The following LUZP2 variants were observed in gnomAD, a reference collection of about 807,000 sequenced individuals.
The protein encoded by LUZP2 is leucine zipper protein 2.
A neutral mutation model predicts 51.6 loss-of-function variants in LUZP2; 52 were observed. The observed-to-expected ratio is 1.01, with a 90% CI of 0.81 to 1.27. The LOEUF is 1.27. Ranked by LOEUF, LUZP2 falls within the 50% of genes most tolerant of loss-of-function variation. LUZP2 has a pLI of 0.00. For synonymous variants in LUZP2, 154 were observed against 137.3 expected (o/e 1.12, Z -0.85); for missense variants, 436 against 395.4 (o/e 1.10, Z -0.87).
intron 1 of LUZP2, among the ~76,000 whole-genome samples, chr11:24,584,991 A>C (rs1284755549): frequency 6.6e-6 from 1 of 152,186 alleles, no homozygotes; most frequent in African/African-American, 2.4e-5. Flanking sequence ...AGTAGATGCT[A>C]TCATTCCTTT....
intron 4 of LUZP2, among the ~76,000 whole-genome samples, chr11:24,747,319 C>G (rs1316624512): frequency 1.3e-5 from 2 of 152,142 alleles, no homozygotes; most frequent in Non-Finnish European, 2.9e-5. Flanking sequence ...GATCTCTCTT[C>G]TGGGTCTAGC....
intron 5 of LUZP2, among the ~76,000 whole-genome samples, chr11:24,890,406 G>C (rs1852809419): frequency 6.6e-6 from 1 of 152,150 alleles, no homozygotes; most frequent in African/African-American, 2.4e-5. Context: ...GATGTTTTCA[G>C]ATATTCTAGC....
At chr11:25,027,726 C>G (rs532970600) in intron 9 of LUZP2, among the ~76,000 whole-genome samples, 1 of 151,932 alleles carries the variant, frequency 6.6e-6, no homozygotes, top group South Asian at 2.1e-4. Flanking sequence ...AAAAATTAGC[C>G]GGGCGTGGTG....
intron 9 of LUZP2, among the ~76,000 whole-genome samples, chr11:25,031,363 A>G: frequency 6.6e-6 from 1 of 151,986 alleles, no homozygotes; most frequent in African/African-American, 2.4e-5. Flanking sequence ...TCTTCAGTAA[A>G]TATTGCAAAA....
chr11:24,714,948 C>T (rs2133938783), intron 1 of LUZP2, among the ~76,000 whole-genome samples: 1 of 152,212 alleles, frequency 6.6e-6, no homozygotes, highest in South Asian at 2.1e-4. Flanking sequence ...CTACAGACCC[C>T]TCTGCACACT....
intron 1 of LUZP2, among the ~76,000 whole-genome samples, chr11:24,550,250 A>G (rs1446065017): frequency 1.3e-5 from 2 of 152,140 alleles, no homozygotes; most frequent in Non-Finnish European, 2.9e-5. Context: ...TTTATGTATT[A>G]AAAACATAAA....
intron 7 of LUZP2, among the ~76,000 whole-genome samples, chr11:24,918,559 T>G (rs1170133620): frequency 6.6e-6 from 1 of 151,746 alleles, no homozygotes; most frequent in African/African-American, 2.4e-5. Context: ...ATGGGACGTA[T>G]CTCAAAATAA....
At position 25,052,802 on chromosome 11, in the gene LUZP2, C is replaced by A. The variant is rs537569803; in HGVS notation, c.858+2672C>A. ...AATAAAATTCTTTATCACATTTCTA[C>A]CTTTATATTTTGTCTATTTTGGGGT... On this transcript the variant is annotated intron_variant, in intron 10 of 11. Coordinates refer to ENST00000336930, the MANE Select transcript of LUZP2 (RefSeq NM_001009909.4). Among the ~76,000 whole-genome samples the A allele has an allele frequency of 5.9e-5, 9 of 151,896 alleles. No individual in the cohort carries two copies. The South Asian group carries it at 1.2e-3, about 21-fold the overall frequency.
intron 5 of LUZP2, among the ~76,000 whole-genome samples, chr11:24,799,982 C>T (rs995422780): frequency 4.6e-5 from 7 of 152,030 alleles, no homozygotes; most frequent in African/African-American, 1.2e-4. Context: ...AGCTAAAGGA[C>T]GAAACAATCC....
intron 5 of LUZP2, among the ~76,000 whole-genome samples, chr11:24,894,599 A>G (rs1852975237): frequency 6.7e-6 from 1 of 149,984 alleles, no homozygotes; most frequent in Admixed American, 6.7e-5. Flanking sequence ...CCCATGTCTA[A>G]CTCCCTTCCT....
chr11:24,953,855 T>G (rs930222171), intron 7 of LUZP2, among the ~76,000 whole-genome samples: 8 of 152,018 alleles, frequency 5.3e-5, no homozygotes, highest in African/African-American at 1.9e-4. Flanking sequence ...AAATCCCTAT[T>G]GTCTAGTGAG....
chr11:24,804,929 T>C (rs1042115368), intron 5 of LUZP2, among the ~76,000 whole-genome samples: 2 of 151,906 alleles, frequency 1.3e-5, no homozygotes, highest in African/African-American at 4.8e-5. Flanking sequence ...AACCTCTGCC[T>C]CCCAGGTTCA....
At chr11:24,676,395 T>C (rs923185435) in intron 1 of LUZP2, among the ~76,000 whole-genome samples, 9 of 152,132 alleles carry the variant, frequency 5.9e-5, no homozygotes, top group Admixed American at 5.2e-4. Flanking sequence ...ACAAATTTCT[T>C]CTCCAAATCT....
chr11:25,077,288 C>A lies in LUZP2; in HGVS notation c.859-41C>A, dbSNP rs75120215. The A allele has an allele frequency of 9.9e-3, 14,446 of 1,453,178 alleles. 306 individuals are homozygous for A. The highest frequency in any genetic ancestry group is 0.087 in the East Asian group (3,777 of 43,286). 90.0% of individuals were successfully genotyped at this position (1,453,178 alleles called of 1,614,324 possible). Reference sequence around the variant, plus strand: ...TTTGACTCCCCCCTCCACTTTCTTTCTTTAACTTCATTGATGTATTTTTAA... The same window carrying A: ...TTTGACTCCCCCCTCCACTTTCTTTATTTAACTTCATTGATGTATTTTTAA... On this transcript the variant is annotated intron_variant, in intron 10 of 11. Transcript: ENST00000336930.
intron 10 of LUZP2, among the ~76,000 whole-genome samples, chr11:25,066,877 G>T (rs1304432749): frequency 1.3e-5 from 2 of 151,962 alleles, no homozygotes; most frequent in African/African-American, 4.8e-5. Context: ...ACCCACAAAA[G>T]GTTGTCTGTT....
intron 1 of LUZP2, among the ~76,000 whole-genome samples, chr11:24,521,347 T>C (rs1436438808): frequency 2.3e-5 from 1 of 42,608 alleles, no homozygotes; most frequent in Non-Finnish European, 3.4e-5. Flanking sequence ...CGAGACTCCA[T>C]CTCAAAAAAA....
At chr11:24,668,155 T>C (rs972911005) in intron 1 of LUZP2, among the ~76,000 whole-genome samples, 1 of 152,222 alleles carries the variant, frequency 6.6e-6, no homozygotes, top group African/African-American at 2.4e-5. Context: ...GAAAGTTTGA[T>C]TGAATTATTA....
chr11:25,046,677 G>A (rs12285526), intron 9 of LUZP2, among the ~76,000 whole-genome samples: 71,353 of 151,938 alleles, frequency 0.47, 17,218 homozygotes, highest in Non-Finnish European at 0.51. Context: ...AATGATATGA[G>A]TTATGCAGAC....
intron 7 of LUZP2, among the ~76,000 whole-genome samples, chr11:24,937,381 C>G (rs1197613513): frequency 1.3e-5 from 2 of 152,066 alleles, no homozygotes; most frequent in Non-Finnish European, 2.9e-5. Flanking sequence ...TGGATATCAG[C>G]TCCTGTCAGT....
Sources: gnomAD v4.1 joint callset for allele counts (sites outside exome capture counted in the v4.1 genomes callset) on GRCh38, gnomAD v4.1.1 for gene constraint, MANE v1.5 for transcripts, NCBI Gene and HGNC (gene_info 2026-07-23, HGNC 2026-07-21) for gene names.